Variants in SPECC1 observed in about 807,000 individuals in gnomAD.
The protein encoded by SPECC1 is cytospin-B.
In SPECC1, 62 loss-of-function variants were observed where a neutral mutation model predicts 104.1. That is an observed-to-expected ratio of 0.60 (90% CI 0.49 to 0.74). SPECC1 has a LOEUF of 0.74. Among genes scored for constraint, SPECC1 ranks in the 30% least tolerant of loss-of-function variants. The pLI is 0.00. For synonymous variants in SPECC1, 513 were observed against 501.6 expected, an observed-to-expected ratio of 1.02 and a Z score of -0.30; for missense variants, 1,306 against 1,310.5, an observed-to-expected ratio of 1.00 and a Z score of 0.05.
At chr17:20,208,010 G>A (rs2036895606) in intron 4 of SPECC1, among the ~76,000 whole-genome samples, 1 of 152,106 alleles carries the variant, frequency 6.6e-6, no homozygotes, top group African/African-American at 2.4e-5. Flanking sequence ...GATAATGAAA[G>A]CATTTAAAGT....
intron 1 of SPECC1, chr17:20,010,268 A>T (rs2043895092): frequency 6.6e-6 from 1 of 151,538 alleles, no homozygotes; most frequent in East Asian, 2.0e-4. Flanking sequence ...TTTTCCTGTG[A>T]AAGTGCTCTT....
At chr17:20,055,627 A>G (rs933157072) in intron 1 of SPECC1, among the ~76,000 whole-genome samples, 4 of 152,222 alleles carry the variant, frequency 2.6e-5, no homozygotes, top group African/African-American at 9.6e-5. Flanking sequence ...GTCAGAATAT[A>G]AAAATGTAAC....
At chr17:20,032,296 A>G (rs116644279) in intron 1 of SPECC1, among the ~76,000 whole-genome samples, 2,423 of 152,156 alleles carry the variant, frequency 0.016, 59 homozygotes, top group African/African-American at 0.054. Context: ...TCTTGATTGT[A>G]TAGGTTATTG....
intron 9 of SPECC1, among the ~76,000 whole-genome samples, chr17:20,253,179 T>A (rs2039697082): frequency 6.6e-6 from 1 of 152,148 alleles, no homozygotes; most frequent in Non-Finnish European, 1.5e-5. Flanking sequence ...AGAATACTTA[T>A]ACACACATCC....
chr17:20,047,632 C>T (rs777650738), intron 1 of SPECC1, among the ~76,000 whole-genome samples: 73 of 152,140 alleles, frequency 4.8e-4, no homozygotes, highest in South Asian at 1.5e-3. Flanking sequence ...GAGTCTCACT[C>T]TGTCACCCAG....
At chr17:20,278,686 AGAGT>A (rs1265526546) in intron 12 of SPECC1, among the ~76,000 whole-genome samples, 4 of 146,656 alleles carry the variant, frequency 2.7e-5, no homozygotes, top group Middle Eastern at 3.5e-3. Context: ...CCTGGGTGAC[AGAGT>A]GAGACCCTGT....
At position 20,160,393 on chromosome 17, in the gene SPECC1, G is replaced by T. The variant is rs940754771; in HGVS notation, c.284-43940G>T. On this transcript the variant is annotated intron_variant, in intron 3 of 14. Transcript: ENST00000395527. The stretch of plus-strand genomic sequence containing the variant: ...GAGGTTTTAGGGGCCAGGCCTAGAA[G>T]TGGTGCACATTATTTCTACTTATGT... Among the ~76,000 whole-genome samples the T allele has an allele frequency of 6.6e-5, 10 of 152,202 alleles. 1 individual carries two copies. The highest frequency in any genetic ancestry group is 6.5e-4 in the Admixed American group (10 of 15,282).
intron 3 of SPECC1, among the ~76,000 whole-genome samples, chr17:20,145,620 TC>T (rs951872005): frequency 1.3e-5 from 2 of 152,198 alleles, no homozygotes; most frequent in Non-Finnish European, 2.9e-5. Flanking sequence ...CCAGCAGACC[TC>T]CCTTCAAATG....
rs548542433 is a variant in SPECC1 at position 20,193,113 on chromosome 17, T to C, written c.284-11220T>C. On this transcript the variant is annotated intron_variant, in intron 3 of 14. Coordinates refer to ENST00000395527, the MANE Select transcript of SPECC1 (RefSeq NM_001243439.2). ...ATTCATGCCTCCCCTTTTTAGACCA[T>C]ATAGGGTAATTTCCTGAAGTTGCTA... Among the ~76,000 whole-genome samples, 20 of 152,310 alleles carry C rather than the reference T, an allele frequency of 1.3e-4. No homozygotes were observed. In the South Asian group the frequency reaches 4.1e-3, roughly 32 times the overall value.
intron 7 of SPECC1, chr17:20,236,753 T>C: frequency 2.7e-6 from 4 of 1,481,932 alleles, no homozygotes; most frequent in Non-Finnish European, 3.8e-6. Context: ...ACATTAGCTT[T>C]TCCCTGTGGG....
intron 1 of SPECC1, among the ~76,000 whole-genome samples, chr17:20,076,227 T>C (rs1208050155): frequency 6.6e-6 from 1 of 152,196 alleles, no homozygotes; most frequent in Non-Finnish European, 1.5e-5. Flanking sequence ...TGAGACAGAG[T>C]CTCACTCTGT....
At chr17:20,223,228 T>A (rs868021667) in intron 4 of SPECC1, among the ~76,000 whole-genome samples, 17 of 152,210 alleles carry the variant, frequency 1.1e-4, no homozygotes, top group Middle Eastern at 3.4e-3. Flanking sequence ...TTATTTTTTT[T>A]AAATTTTGTC....
chr17:20,296,293 CTTGT>C (rs1295409905), intron 12 of SPECC1, among the ~76,000 whole-genome samples: 1 of 152,202 alleles, frequency 6.6e-6, no homozygotes, highest in African/African-American at 2.4e-5. Flanking sequence ...TTCCCCGTTG[CTTGT>C]TTTTGTCAGG....
chr17:20,237,866 C>T, intron 7 of SPECC1: 1 of 244,650 alleles, frequency 4.1e-6, no homozygotes, highest in Non-Finnish European at 7.0e-6. Flanking sequence ...CCTTGGCCTC[C>T]CAAGTAGCTG....
chr17:20,024,029 ACACTTT>A (rs1394288036), intron 1 of SPECC1, among the ~76,000 whole-genome samples: 3 of 152,320 alleles, frequency 2.0e-5, no homozygotes, highest in African/African-American at 7.2e-5. Flanking sequence ...AAAGAGCAAT[ACACTTT>A]GACGAAATAT....
At chr17:20,158,271 A>C (rs1436145140) in intron 3 of SPECC1, among the ~76,000 whole-genome samples, 1 of 152,170 alleles carries the variant, frequency 6.6e-6, no homozygotes, top group African/African-American at 2.4e-5. Flanking sequence ...TGGATGAGTG[A>C]TAGCAGCACA....
chr17:20,149,368 C>CT (rs1348400421), intron 3 of SPECC1, among the ~76,000 whole-genome samples: 1 of 152,156 alleles, frequency 6.6e-6, no homozygotes, highest in Admixed American at 6.5e-5. Flanking sequence ...TCCTGCCACC[C>CT]TAATTGGTAA....
At chr17:20,085,385 T>C (rs1329841308) in intron 1 of SPECC1, among the ~76,000 whole-genome samples, 12 of 152,188 alleles carry the variant, frequency 7.9e-5, no homozygotes, top group Admixed American at 7.9e-4. Context: ...TACATAACCG[T>C]TTCTGTCCCT....
intron 9 of SPECC1, among the ~76,000 whole-genome samples, 192 bp downstream of exon 9, chr17:20,247,511 G>T (rs1053097840): frequency 2.0e-5 from 3 of 152,196 alleles, no homozygotes; most frequent in African/African-American, 7.2e-5. Flanking sequence ...CATGAGGTCA[G>T]ATATTTTTGT....
Sources: gnomAD v4.1 joint callset for allele counts (sites outside exome capture counted in the v4.1 genomes callset) on GRCh38, gnomAD v4.1.1 for gene constraint, MANE v1.5 for transcripts, NCBI Gene and HGNC (gene_info 2026-07-23, HGNC 2026-07-21) for gene names.